The following SYNE3 variants were observed in gnomAD, a reference collection of about 807,000 sequenced individuals.
The protein encoded by SYNE3 is nesprin-3.
Under a neutral mutation model 111.2 loss-of-function variants are expected in SYNE3, and 100 were observed. The ratio of observed to expected loss-of-function variants is 0.90; its 90% CI spans 0.77 to 1.06. The LOEUF (loss-of-function observed/expected upper bound fraction) is 1.06, where lower values mean the gene tolerates loss of function less well. SYNE3 is among the 50% of genes least tolerant of loss of function. The pLI, the probability that SYNE3 is intolerant of heterozygous loss-of-function variation, is 0.00. For missense variants in SYNE3, 1,160 were observed against 1,240.3 expected (o/e 0.94, Z 0.97); for synonymous variants, 547 against 533.9 (o/e 1.02, Z -0.34).
Position 95,485,991 on chromosome 14 carries a change from C to G in SYNE3, c.-14-10156G>C, listed in dbSNP as rs550663187. Among the ~76,000 whole-genome samples the G allele has an allele frequency of 6.6e-6, 1 of 152,126 alleles. No homozygotes were observed. Among genetic ancestry groups the G allele is most frequent in the Non-Finnish European group, 1.5e-5 (1 of 68,010 alleles). On this transcript the variant is annotated intron_variant, in intron 1 of 17. Coordinates refer to ENST00000682763, the MANE Select transcript of SYNE3 (RefSeq NM_152592.6). This position sits in a 1 kb window ranked among gnomAD's most constrained non-coding sequence, Gnocchi z 4.3. ...GCCTGCACTCAAGGGGTACACTGCA[C>G]CCCCACCACCCCTTATCAGCTCCAT...
chr14:95,439,798 G>A lies in SYNE3; in HGVS notation c.2074-14C>T, dbSNP rs780088614. ...TGCCACCAGCCTCTAAAGGACACAC[G>A]GACACACAGACACACACACGGTGAG... is the stretch of plus-strand genomic sequence containing the variant. On this transcript the variant is annotated splice_polypyrimidine_tract_variant and intron_variant, in intron 12 of 17. Transcript: ENST00000682763. 64 of 1,606,632 alleles carry A rather than the reference G, an allele frequency of 4.0e-5. 1 individual carries two copies. In the Middle Eastern group the frequency reaches 3.8e-3, roughly 95 times the overall value.
intron 1 of SYNE3, among the ~76,000 whole-genome samples, chr14:95,497,862 G>T (rs915648057): frequency 5.3e-5 from 8 of 152,092 alleles, no homozygotes; most frequent in African/African-American, 1.9e-4. Context: ...GTCAAAAAAA[G>T]ATGAAGAATG....
At chr14:95,509,225 T>C (rs1476761402) in intron 1 of SYNE3, among the ~76,000 whole-genome samples, 1 of 151,942 alleles carries the variant, frequency 6.6e-6, no homozygotes, top group East Asian at 1.9e-4. Flanking sequence ...TACCCAGGTG[T>C]TGGTGGGAAG....
chr14:95,462,443 C>A (rs759062747), intron 4 of SYNE3, among the ~76,000 whole-genome samples: 63 of 152,242 alleles, frequency 4.1e-4, no homozygotes, highest in Non-Finnish European at 3.5e-4. Flanking sequence ...ACCCCACAAA[C>A]AACAGCGCCC....
chr14:95,493,031 G>A (rs182432681), intron 1 of SYNE3, among the ~76,000 whole-genome samples: 101 of 152,176 alleles, frequency 6.6e-4, no homozygotes, highest in African/African-American at 2.4e-3. Flanking sequence ...ACCCACCAAA[G>A]GCTGCCAAGA....
At chr14:95,469,240 G>A (rs1888375541) in intron 2 of SYNE3, among the ~76,000 whole-genome samples, 1 of 152,052 alleles carries the variant, frequency 6.6e-6, no homozygotes, top group Non-Finnish European at 1.5e-5. Flanking sequence ...CCTTCCCCAT[G>A]GCTGGGGTGA....
At chr14:95,428,186 T>C (rs778412131) in intron 17 of SYNE3, among the ~76,000 whole-genome samples, 25 of 152,030 alleles carry the variant, frequency 1.6e-4, no homozygotes, top group Non-Finnish European at 3.5e-4. Flanking sequence ...GGGTGAAGGA[T>C]AGGAAATCAA....
rs781232636 is a variant in SYNE3, at chr14:95,417,788, G to A, written c.*38C>T. Reference sequence around the variant, plus strand: ...CTCAGGAGGGGCCCTGGGACTGATGGAGGTTGGAGGAGAAAGTCACCTGTG... The same window carrying A: ...CTCAGGAGGGGCCCTGGGACTGATGAAGGTTGGAGGAGAAAGTCACCTGTG... On this transcript the variant is annotated 3_prime_UTR_variant, in exon 18 of 18. Coordinates refer to ENST00000682763, the MANE Select transcript of SYNE3 (RefSeq NM_152592.6). 7.5e-6 allele frequency: 12 copies of A among 1,608,508 alleles called. No individual in the cohort carries two copies. In the South Asian group the frequency reaches 9.9e-5, roughly 13 times the overall value.
chr14:95,447,685 G>A (rs1008946576), intron 8 of SYNE3, among the ~76,000 whole-genome samples: 44 of 152,126 alleles, frequency 2.9e-4, no homozygotes, highest in Non-Finnish European at 5.4e-4. Flanking sequence ...TCACTGTAGG[G>A]GAGTCAGTCA....
At chr14:95,421,123 A>G (rs915142040) in intron 17 of SYNE3, among the ~76,000 whole-genome samples, 1 of 152,080 alleles carries the variant, frequency 6.6e-6, no homozygotes. Flanking sequence ...AGCCACGTGG[A>G]ACTGTGAGTT....
chr14:95,486,370 C>T (rs73343126), intron 1 of SYNE3, among the ~76,000 whole-genome samples: 6,328 of 151,984 alleles, frequency 0.042, 174 homozygotes, highest in East Asian at 0.098. Context: ...CCACCCCCCA[C>T]CCCTCTCCCA....
At chr14:95,499,593 G>C (rs552552174) in intron 1 of SYNE3, among the ~76,000 whole-genome samples, 1 of 152,278 alleles carries the variant, frequency 6.6e-6, no homozygotes, top group East Asian at 1.9e-4. Flanking sequence ...TGAGGTATTT[G>C]TACACATCAG....
chr14:95,506,575 G>A (rs1311434765), intron 1 of SYNE3, among the ~76,000 whole-genome samples: 1 of 152,222 alleles, frequency 6.6e-6, no homozygotes, highest in Non-Finnish European at 1.5e-5. Flanking sequence ...GCACGTGCTG[G>A]GGACAGAGGC....
rs1887364369 is a variant in SYNE3 at position 95,455,473 on chromosome 14, G to A, written c.1041C>T (p.Phe347=). 6.2e-7 allele frequency: 1 copy of A among 1,613,312 alleles called. No homozygotes were observed. The highest frequency in any genetic ancestry group is 1.3e-5 in the African/African-American group (1 of 74,948). The change falls in exon 6 of 18, where the codon TTC becomes TTT. Residue 347 remains phenylalanine, a synonymous_variant. Coordinates refer to ENST00000682763, the MANE Select transcript of SYNE3 (RefSeq NM_152592.6). Reference sequence around the variant, plus strand: ...GGGCCAGCCTCTGCAGGACCATCCTGAACTCACTGAGCTCAGCCTCCAGCT... The same window carrying A: ...GGGCCAGCCTCTGCAGGACCATCCTAAACTCACTGAGCTCAGCCTCCAGCT... ...IKQLEAELSE[F]RMVLQRLAQE...
At chr14:95,496,829 T>C (rs553736107) in intron 1 of SYNE3, among the ~76,000 whole-genome samples, 1 of 152,366 alleles carries the variant, frequency 6.6e-6, no homozygotes, top group African/African-American at 2.4e-5. Flanking sequence ...ATCATTTATG[T>C]AGCAAGTGAG....
At chr14:95,449,154 G>A (rs889543851) in intron 8 of SYNE3, among the ~76,000 whole-genome samples, 3 of 152,136 alleles carry the variant, frequency 2.0e-5, no homozygotes, top group Non-Finnish European at 2.9e-5. Flanking sequence ...GTTGTCTTCT[G>A]CTCATCCCAC....
chr14:95,471,549 A>C (rs1346268261), intron 2 of SYNE3, among the ~76,000 whole-genome samples: 1 of 152,210 alleles, frequency 6.6e-6, no homozygotes, highest in African/African-American at 2.4e-5. Flanking sequence ...TCTGCCCTGA[A>C]AGATCAACCT....
At chr14:95,468,010 C>A in intron 2 of SYNE3, 43 bp from the exon 3 acceptor site, 2 of 1,580,148 alleles carry the variant, frequency 1.3e-6, no homozygotes, top group Admixed American at 1.7e-5. Flanking sequence ...TGGCAAAAGG[C>A]AGACAGGCAC....
In SYNE3 at chr14:95,443,272, C is replaced by A. The variant is rs1425951026; in HGVS notation, c.1794G>T (p.Gly598=). 1 of 1,614,198 alleles carries A rather than the reference C, an allele frequency of 6.2e-7. No individual in the cohort carries two copies. ...LSRLQGLQEE[G]LDLGAQMEAA... is the part of the protein sequence containing the mutation. ...CCTCCATCTGTGCCCCCAAGTCCAG[C>A]CCCTCTTCCTGCAGCCCCTGCAGTA... The change falls in exon 11 of 18, where the codon GGG becomes GGT. Residue 598 remains glycine, a synonymous_variant. Coordinates refer to ENST00000682763, the MANE Select transcript of SYNE3 (RefSeq NM_152592.6).
Sources: gnomAD v4.1 joint callset for allele counts (sites outside exome capture counted in the v4.1 genomes callset) on GRCh38, gnomAD v4.1.1 for gene constraint, Gnocchi (gnomAD v3.1) non-coding constraint, MANE v1.5 for transcripts, NCBI Gene and HGNC (gene_info 2026-07-23, HGNC 2026-07-21) for gene names.